Variants in ARLN observed in about 807,000 individuals in gnomAD.
The protein encoded by ARLN is allregulin.
chr4:119,300,407 G>A, the ARLN span: 33 of 1,613,822 alleles, frequency 2.0e-5, no homozygotes, highest in South Asian at 3.5e-4. Flanking sequence ...CCAACCAGTA[G>A]GAGTGTTTGG....
the ARLN span, chr4:119,300,228 A>C: frequency 3.3e-6 from 3 of 900,800 alleles, no homozygotes; most frequent in Admixed American, 2.2e-5. Flanking sequence ...CAGCTGTGTG[A>C]TCTTGGACAT....
the ARLN span, chr4:119,300,338 T>C: frequency 6.2e-7 from 1 of 1,606,276 alleles, no homozygotes; most frequent in Non-Finnish European, 8.5e-7. Context: ...ATACTCACCA[T>C]GGCAAAAAAT....
At chr4:119,297,227 T>G in the ARLN span, 1 of 152,224 alleles carries the variant, frequency 6.6e-6, no homozygotes, top group Non-Finnish European at 1.5e-5. Flanking sequence ...AAAGCATAAT[T>G]GCTAACTTTA....
chr4:119,302,349 A>C, the ARLN span, among the ~76,000 whole-genome samples: 1 of 152,204 alleles, frequency 6.6e-6, no homozygotes, highest in Non-Finnish European at 1.5e-5. Flanking sequence ...GGTTATTTAA[A>C]CTAAATTCAG....
chr4:119,300,660 T>G, the ARLN span: 3 of 1,555,154 alleles, frequency 1.9e-6, no homozygotes, highest in Non-Finnish European at 2.6e-6. Flanking sequence ...CGCCCCGGGT[T>G]CCGGAATGCA....
At chr4:119,297,145 C>T in the ARLN span, 31 of 152,250 alleles carry the variant, frequency 2.0e-4, no homozygotes, top group Admixed American at 2.0e-3. Context: ...AATCCCAGTT[C>T]TGTGTTCCTA....
chr4:119,300,150 C>T, the ARLN span, among the ~76,000 whole-genome samples: 1 of 151,808 alleles, frequency 6.6e-6, no homozygotes, highest in Non-Finnish European at 1.5e-5. Flanking sequence ...GAGACTCCCA[C>T]GGACGTGCTA....
the ARLN span, chr4:119,300,725 C>G: frequency 6.6e-7 from 1 of 1,521,314 alleles, no homozygotes; most frequent in African/African-American, 1.4e-5. Flanking sequence ...TCCGCTGCCT[C>G]CGTGACCGCT....
chr4:119,300,701 G>T, the ARLN span: 5 of 1,529,046 alleles, frequency 3.3e-6, no homozygotes, highest in Non-Finnish European at 3.5e-6. Flanking sequence ...GCGCGCAGGC[G>T]CCTGGCTCGG....
the ARLN span, chr4:119,298,057 A>G: frequency 6.6e-6 from 1 of 152,292 alleles, no homozygotes; most frequent in Non-Finnish European, 1.5e-5. Flanking sequence ...GGGCACAAGC[A>G]CACTTAATGA....
At chr4:119,304,357 T>C in the ARLN span, 5 of 1,536,934 alleles carry the variant, frequency 3.3e-6, no homozygotes, top group South Asian at 1.2e-5. Context: ...TTTGTTTCCA[T>C]AGTTTTTTGC....
At chr4:119,301,492 A>C in the ARLN span, among the ~76,000 whole-genome samples, 1 of 152,120 alleles carries the variant, frequency 6.6e-6, no homozygotes, top group Non-Finnish European at 1.5e-5. Context: ...CCTCAGCAAG[A>C]ACAGAATGCT....
the ARLN span, among the ~76,000 whole-genome samples, chr4:119,302,256 T>C: frequency 6.6e-6 from 1 of 152,218 alleles, no homozygotes; most frequent in Non-Finnish European, 1.5e-5. Flanking sequence ...ATGCTCATCA[T>C]GAGGGGATGT....
At chr4:119,304,152 C>T in the ARLN span, 2 of 825,986 alleles carry the variant, frequency 2.4e-6, no homozygotes, top group Non-Finnish European at 3.7e-6. Flanking sequence ...AAATCCTACT[C>T]ATCCTTCAGG....
the ARLN span, chr4:119,300,387 A>T: frequency 6.2e-7 from 1 of 1,613,390 alleles, no homozygotes; most frequent in African/African-American, 1.3e-5. Flanking sequence ...AAGGATGAAA[A>T]GCCAGAGGTC....
chr4:119,301,046 T>C, the ARLN span: 1 of 362,746 alleles, frequency 2.8e-6, no homozygotes, highest in East Asian at 4.5e-5. Context: ...GACGTCCTAC[T>C]CACGGGACTG....
chr4:119,302,628 C>T, the ARLN span, among the ~76,000 whole-genome samples: 1 of 152,228 alleles, frequency 6.6e-6, no homozygotes, highest in South Asian at 2.1e-4. Flanking sequence ...TACCTCGGCA[C>T]TTGTCCAACC....
At chr4:119,300,566 A>C in the ARLN span, 37 of 1,613,968 alleles carry the variant, frequency 2.3e-5, no homozygotes, top group East Asian at 1.1e-4. Flanking sequence ...ACAACCCTAG[A>C]AACCGAAAAT....
the ARLN span, among the ~76,000 whole-genome samples, chr4:119,303,769 A>C: frequency 1.3e-5 from 2 of 152,186 alleles, no homozygotes; most frequent in African/African-American, 2.4e-5. Context: ...CTGTAGTCCT[A>C]GCTACTCAGG....
Sources: allele counts gnomAD v4.1 joint callset (sites outside exome capture counted in the v4.1 genomes callset), GRCh38; gene constraint gnomAD v4.1.1; transcripts MANE v1.5; gene names NCBI Gene and HGNC (gene_info 2026-07-23, HGNC 2026-07-21).